EZH2: variants seen among roughly 807,000 people sequenced by gnomAD.
The protein encoded by EZH2 is histone-lysine N-methyltransferase EZH2.
In EZH2, 18 loss-of-function variants were observed where a neutral mutation model predicts 98.4. The ratio of observed to expected loss-of-function variants is 0.18; its 90% CI spans 0.13 to 0.27. EZH2 has a LOEUF of 0.27. EZH2 is among the 10% of genes least tolerant of loss of function. The pLI, the probability that EZH2 is intolerant of heterozygous loss-of-function variation, is 1.00. For synonymous variants in EZH2, 338 were observed against 312.3 expected (o/e 1.08, Z -0.87); for missense variants, 470 against 935.1 (o/e 0.50, Z 6.49).
intron 1 of EZH2, among the ~76,000 whole-genome samples, chr7:148,864,297 A>G (rs1818119703): frequency 6.6e-6 from 1 of 152,242 alleles, no homozygotes; most frequent in Non-Finnish European, 1.5e-5. Flanking sequence ...ATAAATTTCA[A>G]CCAACTGAAG....
chr7:148,849,754 T>C (rs528467517), intron 1 of EZH2, among the ~76,000 whole-genome samples: 1 of 152,338 alleles, frequency 6.6e-6, no homozygotes, highest in Admixed American at 6.5e-5. Flanking sequence ...ATAGTTTTCT[T>C]CCTATCTGCT....
At chr7:148,881,094 G>C (rs1402144693) in intron 1 of EZH2, among the ~76,000 whole-genome samples, 6 of 152,178 alleles carry the variant, frequency 3.9e-5, no homozygotes, top group East Asian at 3.8e-4. Flanking sequence ...TACTCATATA[G>C]AATCTATCAT....
At chr7:148,825,417 T>C (rs1476793949) in intron 8 of EZH2, among the ~76,000 whole-genome samples, 2 of 152,370 alleles carry the variant, frequency 1.3e-5, no homozygotes, top group South Asian at 2.1e-4. Context: ...CAAGTTTTTC[T>C]ATTTTAAGAT....
In EZH2 at chr7:148,828,813, A is replaced by T; in HGVS notation, c.552T>A (p.Asp184Glu). The part of the protein sequence containing the change: ...LVNALGQYND[D>E]DDDDDGDDPE... ...GATCGTCTCCATCATCATCATCGTCATCATCATTATATTGACCAAGGGCAT... is the reference window on the plus strand; with the variant it reads ...GATCGTCTCCATCATCATCATCGTCTTCATCATTATATTGACCAAGGGCAT... The change falls in exon 6 of 20, where the codon GAT (aspartate) becomes GAA (glutamate). Residue 184 changes from aspartate to glutamate, a missense_variant. Physicochemically the swap from Asp to Glu is conservative, Grantham distance 45. Transcript: ENST00000320356. 1 of 1,613,386 alleles carries T rather than the reference A, an allele frequency of 6.2e-7. No homozygotes were observed. Among genetic ancestry groups the T allele is most frequent in the Non-Finnish European group, 8.5e-7 (1 of 1,179,488 alleles).
At chr7:148,858,250 C>T (rs1179672336) in intron 1 of EZH2, among the ~76,000 whole-genome samples, 1 of 151,974 alleles carries the variant, frequency 6.6e-6, no homozygotes, top group Non-Finnish European at 1.5e-5. Context: ...CTAGATAGCG[C>T]CACTGCACTC....
At chr7:148,851,690 T>G (rs1380963352) in intron 1 of EZH2, among the ~76,000 whole-genome samples, 1 of 151,992 alleles carries the variant, frequency 6.6e-6, no homozygotes, top group African/African-American at 2.4e-5. Context: ...ATAGTGAGAC[T>G]CCCATCTCAA....
intron 1 of EZH2, among the ~76,000 whole-genome samples, chr7:148,866,537 C>T (rs796504520): frequency 9.8e-4 from 97 of 99,242 alleles, no homozygotes; most frequent in East Asian, 2.8e-3. Context: ...CATATATATA[C>T]GTATATACAT....
intron 1 of EZH2, among the ~76,000 whole-genome samples, chr7:148,856,479 A>T (rs1325482187): frequency 6.6e-6 from 1 of 152,226 alleles, no homozygotes; most frequent in Non-Finnish European, 1.5e-5. Context: ...GGTCTGTCCA[A>T]CAGAGGGCCT....
intron 3 of EZH2, among the ~76,000 whole-genome samples, chr7:148,840,843 A>C (rs773855486): frequency 6.6e-6 from 1 of 152,164 alleles, no homozygotes; most frequent in African/African-American, 2.4e-5. Context: ...TTCTTCAGAG[A>C]ATAAAACAAT....
At chr7:148,825,117 C>T (rs1434061810) in intron 8 of EZH2, among the ~76,000 whole-genome samples, 8 of 152,172 alleles carry the variant, frequency 5.3e-5, no homozygotes, top group Non-Finnish European at 8.8e-5. Flanking sequence ...GACCTTTCAG[C>T]GACTCCAAAA....
chr7:148,834,328 GA>G lies in EZH2; in HGVS notation c.247-1579del, dbSNP rs1281679931. 2.1e-5 allele frequency among the ~76,000 whole-genome samples: 3 copies of G among 139,550 alleles called. No homozygotes were observed. In the Admixed American group the frequency reaches 2.2e-4, roughly 10 times the overall value. 91.6% of individuals were successfully genotyped at this position (139,550 alleles called of 152,430 possible). The stretch of plus-strand genomic sequence containing the variant: ...AAAAGAAGTGTAGTAAAATGAAACT[GA>G]AAAATCATTATATATATATATATAC... On this transcript the variant is annotated intron_variant, in intron 3 of 19. Transcript: ENST00000320356.
intron 8 of EZH2, among the ~76,000 whole-genome samples, chr7:148,825,538 C>T (rs993215607): frequency 3.3e-5 from 5 of 152,138 alleles, no homozygotes; most frequent in African/African-American, 1.2e-4. Context: ...AGAGCAAACA[C>T]TTAGGAGGAG....
intron 3 of EZH2, chr7:148,837,037 T>C (rs1371114369): frequency 4.1e-6 from 2 of 486,288 alleles, no homozygotes; most frequent in Non-Finnish European, 8.2e-6. Flanking sequence ...CACCCTACTA[T>C]GTGCCAAGCA....
intron 3 of EZH2, among the ~76,000 whole-genome samples, chr7:148,835,756 G>A (rs1199024489): frequency 2.6e-5 from 4 of 152,070 alleles, no homozygotes; most frequent in East Asian, 3.8e-4. Context: ...CTGCCTCTCC[G>A]ACTGACTTAT....
chr7:148,828,639 A>C, intron 6 of EZH2, 101 bp downstream of exon 6: 3 of 1,405,428 alleles, frequency 2.1e-6, no homozygotes, highest in Non-Finnish European at 9.6e-7. Context: ...TTAACAAAGA[A>C]AGAAAAAGAG....
intron 1 of EZH2, among the ~76,000 whole-genome samples, chr7:148,880,101 AATT>A (rs1820756902): frequency 6.6e-6 from 1 of 152,218 alleles, no homozygotes; most frequent in Admixed American, 6.5e-5. Flanking sequence ...AAACAAGACC[AATT>A]ATTAAGAAAC....
At chr7:148,859,603 G>C (rs1272862440) in intron 1 of EZH2, among the ~76,000 whole-genome samples, 4 of 152,190 alleles carry the variant, frequency 2.6e-5, no homozygotes, top group Non-Finnish European at 5.9e-5. Flanking sequence ...AGGTAAGTGA[G>C]TTAAGGCAAG....
chr7:148,818,880 T>C, intron 9 of EZH2: 1 of 355,954 alleles, frequency 2.8e-6, no homozygotes, highest in Non-Finnish European at 5.5e-6. Flanking sequence ...TGCTCAAGAA[T>C]TCCATTTTTT....
chr7:148,878,450 C>T (rs1200323022), intron 1 of EZH2, among the ~76,000 whole-genome samples: 2 of 152,184 alleles, frequency 1.3e-5, no homozygotes, highest in Admixed American at 1.3e-4. Flanking sequence ...GAATTTCACT[C>T]CTTTTATGTC....
Sources: gnomAD v4.1 joint callset for allele counts (sites outside exome capture counted in the v4.1 genomes callset) on GRCh38, gnomAD v4.1.1 for gene constraint, MANE v1.5 for transcripts, NCBI Gene and HGNC (gene_info 2026-07-23, HGNC 2026-07-21) for gene names.